The following RRBP1 variants were observed in gnomAD, a reference collection of about 807,000 sequenced individuals.
The protein encoded by RRBP1 is ribosome-binding protein 1.
Under a neutral mutation model 165.2 loss-of-function variants are expected in RRBP1, and 94 were observed. That is an observed-to-expected ratio of 0.57 (90% CI 0.48 to 0.68). RRBP1 has a LOEUF of 0.68. Ranked by LOEUF, RRBP1 falls within the 30% of genes least tolerant of loss-of-function variation. RRBP1 has a pLI of 0.00. For synonymous variants in RRBP1, 680 were observed against 714.5 expected (o/e 0.95, Z 0.77); for missense variants, 1,676 against 1,763.0 (o/e 0.95, Z 0.88).
intron 5 of RRBP1, 107 bp downstream of exon 5, chr20:17,641,690 T>C: frequency 7.2e-7 from 1 of 1,388,214 alleles, no homozygotes; most frequent in South Asian, 1.2e-5. Flanking sequence ...CCAGCTACGT[T>C]CCAGGCAGGC....
intron 2 of RRBP1, 49 bp downstream of exon 2, chr20:17,679,950 C>G (rs1181448671): frequency 1.3e-5 from 2 of 152,314 alleles, no homozygotes; most frequent in African/African-American, 4.8e-5. Context: ...CCCAAGATCC[C>G]TGCAAGCCGG....
At chr20:17,614,668 C>T in intron 24 of RRBP1, 69 bp downstream of exon 24, 1 of 1,587,908 alleles carries the variant, frequency 6.3e-7, no homozygotes, top group Non-Finnish European at 8.5e-7. Context: ...TCTGCCTCTC[C>T]CGGTCCTGCC....
chr20:17,620,844 T>A (rs970371761), intron 16 of RRBP1, 37 bp from the exon 17 acceptor site: 1 of 1,476,488 alleles, frequency 6.8e-7, no homozygotes, highest in Non-Finnish European at 9.3e-7. Context: ...GCCCTCTCCC[T>A]CCCGAGACCC....
Position 17,635,626 on chromosome 20 carries a change from G to A in RRBP1, c.2376C>T (p.Asn792=). 1 of 1,613,530 alleles carries A rather than the reference G, an allele frequency of 6.2e-7. No homozygotes were observed. The highest frequency in any genetic ancestry group is 8.5e-7 in the Non-Finnish European group (1 of 1,179,914). The change falls in exon 7 of 25, where the codon AAC becomes AAT. Residue 792 remains asparagine, a synonymous_variant. Coordinates refer to ENST00000377813, the MANE Select transcript of RRBP1 (RefSeq NM_001365613.2). ...CCTGCTGCAGGCGGGCCAGCTGCGTGTTGGGGCCATTCTCCAGCTGCTCCT... is the reference window on the plus strand; with the variant it reads ...CCTGCTGCAGGCGGGCCAGCTGCGTATTGGGGCCATTCTCCAGCTGCTCCT... ...TLQEQLENGP[N]TQLARLQQEN...
rs1287777169 is a variant in RRBP1, at chr20:17,659,464, C to A, written c.1044G>T (p.Gln348His). ...TCTGGGCCCCCTCGGCCTTCTTGCC[C>A]TGATTCTGGGCCCCCTCGGCCTTCT... ...QGKKAEGAQN[Q>H]GKKAEGAQNQ... The change falls in exon 3 of 25, where the codon CAG becomes CAT. Residue 348 changes from glutamine (Q) to histidine (H), a missense_variant. Gln to His is a conservative substitution (Grantham distance 24). Coordinates refer to ENST00000377813, the MANE Select transcript of RRBP1 (RefSeq NM_001365613.2). The A allele has an allele frequency of 8.1e-7, 1 of 1,229,484 alleles. No individual in the cohort carries two copies. Among genetic ancestry groups the A allele is most frequent in the East Asian group, 2.6e-5 (1 of 38,854 alleles). 76.2% of individuals were successfully genotyped at this position (1,229,484 alleles called of 1,614,324 possible). A position where few individuals can be genotyped will look rare whatever the true frequency, so the allele number is the denominator to read the frequency against.
At chr20:17,670,020 A>G (rs1204516618) in intron 2 of RRBP1, among the ~76,000 whole-genome samples, 1 of 152,200 alleles carries the variant, frequency 6.6e-6, no homozygotes, top group African/African-American at 2.4e-5. Flanking sequence ...TCAAAGGGAA[A>G]GATTTAGGTG....
chr20:17,619,585 C>T (rs764017736), intron 19 of RRBP1, 48 bp downstream of exon 19: 75 of 1,378,918 alleles, frequency 5.4e-5, no homozygotes, highest in Admixed American at 5.6e-5. Flanking sequence ...TCAGGGAGGA[C>T]CGCAGATCTG....
chr20:17,642,132 T>C (rs1335024035), intron 4 of RRBP1, among the ~76,000 whole-genome samples: 2 of 152,250 alleles, frequency 1.3e-5, no homozygotes, highest in African/African-American at 4.8e-5. Flanking sequence ...GTGTTGGGAC[T>C]GTCAAGGCCA....
At chr20:17,652,421 C>A (rs1419710519) in intron 3 of RRBP1, among the ~76,000 whole-genome samples, 1 of 152,206 alleles carries the variant, frequency 6.6e-6, no homozygotes, top group Admixed American at 6.5e-5. Context: ...CCTACACCTC[C>A]CCTGCCCAAG....
Position 17,660,162 on chromosome 20 carries a change from T to C in RRBP1, c.346A>G (p.Ile116Val), listed in dbSNP as rs764088384. The C allele has an allele frequency of 5.0e-6, 8 of 1,613,994 alleles. No individual in the cohort carries two copies. In the East Asian group the frequency reaches 1.1e-4, roughly 22 times the overall value. ...AVAPTPVQPP[I>V]IVAPVATVPA... is the part of the protein sequence containing the mutation. ...ACTGTGGCGACAGGAGCAACGATAATGGGGGGCTGCACTGGGGTTGGAGCC... is the reference window on the plus strand; with the variant it reads ...ACTGTGGCGACAGGAGCAACGATAACGGGGGGCTGCACTGGGGTTGGAGCC... Residue 116 changes from isoleucine to valine, a missense_variant, in exon 3 of 25, where the codon ATT (isoleucine) becomes GTT (valine). Around this residue, in one of 5 missense-constraint regions of RRBP1, gnomAD observed 392 missense variants for 382.5 expected, o/e 1.02. Transcript: ENST00000377813.
At chr20:17,630,457 C>CA (rs2036126840) in intron 8 of RRBP1, among the ~76,000 whole-genome samples, 1 of 152,220 alleles carries the variant, frequency 6.6e-6, no homozygotes, top group African/African-American at 2.4e-5. Flanking sequence ...GTGAAATTGT[C>CA]AGTGTTTGAC....
At chr20:17,629,634 G>A (rs933699122) in intron 9 of RRBP1, among the ~76,000 whole-genome samples, 189 bp downstream of exon 9, 8 of 150,668 alleles carry the variant, frequency 5.3e-5, no homozygotes, top group Non-Finnish European at 7.4e-5. Context: ...GGCTGACTGC[G>A]CCCCCCGCCA....
rs578022259 is a variant in RRBP1 at position 17,677,550 on chromosome 20, T to C, written c.-22+2449A>G. Among the ~76,000 whole-genome samples, 10 of 152,270 alleles carry C rather than the reference T, an allele frequency of 6.6e-5. No homozygotes were observed. The East Asian group carries it at 1.9e-3, about 30-fold the overall frequency. On this transcript the variant is annotated intron_variant, in intron 2 of 24. Coordinates refer to ENST00000377813, the MANE Select transcript of RRBP1 (RefSeq NM_001365613.2). ...TACTGCCCAATGATCCTTTCGAAGT[T>C]ATATGGAGGCCGGGCACGGTGGCTC...
chr20:17,623,579 C>T (rs561154261), intron 13 of RRBP1, among the ~76,000 whole-genome samples: 17 of 152,320 alleles, frequency 1.1e-4, no homozygotes, highest in South Asian at 2.1e-4. Flanking sequence ...GCAGGGCCAA[C>T]GCGGCCTCTG....
Position 17,636,695 on chromosome 20 carries a change from C to T in RRBP1, c.2219G>A (p.Gly740Glu). Residue 740 changes from glycine (G) to glutamate (E), a missense_variant, in exon 6 of 25, where the codon GGG becomes GAG. Coordinates refer to ENST00000377813, the MANE Select transcript of RRBP1 (RefSeq NM_001365613.2). ...MAAEKAKAAA[G>E]EAKVKKQLVA... Reference sequence around the variant, plus strand: ...CAGCTGCTTTTTCACTTTGGCCTCCCCGGCTGCTGCTTTGGCCTTTTCTGC... The same window carrying T: ...CAGCTGCTTTTTCACTTTGGCCTCCTCGGCTGCTGCTTTGGCCTTTTCTGC... The T allele has an allele frequency of 6.2e-7, 1 of 1,613,280 alleles. No homozygotes were observed. The highest frequency in any genetic ancestry group is 8.5e-7 in the Non-Finnish European group (1 of 1,180,024).
Position 17,677,944 on chromosome 20 carries a change from C to G in RRBP1, c.-22+2055G>C, listed in dbSNP as rs1474487937. ...AAGCAATTTATGCCACCCAAGAACA[C>G]TGGAACTCCAATACTTTGGAACTGA... On this transcript the variant is annotated intron_variant, in intron 2 of 24. Coordinates refer to ENST00000377813, the MANE Select transcript of RRBP1 (RefSeq NM_001365613.2). 2.0e-5 allele frequency among the ~76,000 whole-genome samples: 3 copies of G among 152,320 alleles called. No homozygotes were observed. The East Asian group carries it at 5.8e-4, about 29-fold the overall frequency.
At chr20:17,618,488 C>T in intron 20 of RRBP1, 108 bp downstream of exon 20, 1 of 923,984 alleles carries the variant, frequency 1.1e-6, no homozygotes, top group South Asian at 1.3e-5. Flanking sequence ...ACTGTCCCTT[C>T]CCTAGGCTTT....
chr20:17,614,910 C>T (rs768159127), intron 23 of RRBP1, 30 bp from the exon 24 acceptor site: 3 of 1,608,714 alleles, frequency 1.9e-6, no homozygotes, highest in Non-Finnish European at 2.5e-6. Context: ...CGGGCATCAG[C>T]CCTTGCACCG....
intron 9 of RRBP1, among the ~76,000 whole-genome samples, chr20:17,628,103 C>T (rs1390352683): frequency 6.6e-6 from 1 of 152,028 alleles, no homozygotes; most frequent in Non-Finnish European, 1.5e-5. Flanking sequence ...CCCCCAAGAC[C>T]TCTTCACAGT....
Sources: allele counts gnomAD v4.1 joint callset (sites outside exome capture counted in the v4.1 genomes callset), GRCh38; gene constraint gnomAD v4.1.1; regional missense constraint gnomAD v4.1.1; transcripts MANE v1.5; gene names NCBI Gene and HGNC (gene_info 2026-07-23, HGNC 2026-07-21).